KIAA0753: variants seen among roughly 807,000 people sequenced by gnomAD.
The protein encoded by KIAA0753 is KIAA0753.
A neutral mutation model predicts 116.9 loss-of-function variants in KIAA0753; 114 were observed. That is an observed-to-expected ratio of 0.98 (90% CI 0.84 to 1.14). KIAA0753 has a LOEUF of 1.14. Among genes scored for constraint, KIAA0753 ranks in the 50% most tolerant of loss-of-function variants. The pLI is 0.00. For synonymous variants in KIAA0753, 405 were observed against 413.1 expected, an observed-to-expected ratio of 0.98 and a Z score of 0.24; for missense variants, 1,156 against 1,172.4, an observed-to-expected ratio of 0.99 and a Z score of 0.20.
chr17:6,618,058 C>T (rs889611151), intron 7 of KIAA0753, among the ~76,000 whole-genome samples: 17 of 151,888 alleles, frequency 1.1e-4, no homozygotes, highest in Non-Finnish European at 7.4e-5. Context: ...GCCAAGATCA[C>T]GCCACTGAAC....
Position 6,623,019 on chromosome 17 carries a change from C to A in KIAA0753, c.967G>T (p.Asp323Tyr). 6.2e-7 allele frequency: 1 copy of A among 1,614,120 alleles called. No individual in the cohort carries two copies. The highest frequency in any genetic ancestry group is 1.1e-5 in the South Asian group (1 of 91,052). The change falls in exon 6 of 19, where the codon GAC becomes TAC. Residue 323 changes from aspartate (D) to tyrosine (Y), a missense_variant. Coordinates refer to ENST00000361413, the MANE Select transcript of KIAA0753 (RefSeq NM_014804.3). ...ALQMFVTQFT[D>Y]RGEHPLPARC... ...GCAGGAAGTGGATGCTCCCCTCGGT[C>A]AGTAAACTGAGTGACAAACATCTGT...
At chr17:6,620,720 G>A in intron 7 of KIAA0753, 68 bp downstream of exon 7, 1 of 1,491,938 alleles carries the variant, frequency 6.7e-7, no homozygotes. Context: ...CCTCAGTGCA[G>A]TAACTGTTAT....
chr17:6,592,378 C>G (rs1597474408), intron 16 of KIAA0753, among the ~76,000 whole-genome samples: 1 of 152,164 alleles, frequency 6.6e-6, no homozygotes, highest in African/African-American at 2.4e-5. Flanking sequence ...GGGTAGTACT[C>G]ACGGCGCTTA....
At chr17:6,581,822 G>C (rs192450545) in intron 18 of KIAA0753, among the ~76,000 whole-genome samples, 1 of 152,112 alleles carries the variant, frequency 6.6e-6, no homozygotes, top group African/African-American at 2.4e-5. Flanking sequence ...GTGAACTCTC[G>C]ACATGTCCCC....
At chr17:6,613,189 A>G (rs1335835144) in intron 7 of KIAA0753, among the ~76,000 whole-genome samples, 1 of 152,184 alleles carries the variant, frequency 6.6e-6, no homozygotes, top group Non-Finnish European at 1.5e-5. Context: ...AAATCTCATT[A>G]ACATGACAAC....
chr17:6,579,131 T>C lies in KIAA0753; in HGVS notation c.*616A>G, dbSNP rs1280229699. On this transcript the variant is annotated 3_prime_UTR_variant, in exon 19 of 19. Coordinates refer to ENST00000361413, the MANE Select transcript of KIAA0753 (RefSeq NM_014804.3). ...TAAAAATGTGAAAATCACCTAGGAATGGAACGTTGAAGAAATGTGTGTCTA... is the reference window on the plus strand; with the variant it reads ...TAAAAATGTGAAAATCACCTAGGAACGGAACGTTGAAGAAATGTGTGTCTA... 1.3e-5 allele frequency: 2 copies of C among 152,208 alleles called. No individual in the cohort carries two copies. The highest frequency in any genetic ancestry group is 2.9e-5 in the Non-Finnish European group (2 of 68,028). The allele number at this position is 152,208 out of a possible 1,614,324, so 9.4% of individuals were successfully genotyped here.
Position 6,612,099 on chromosome 17 carries a change from A to C in KIAA0753, c.1365T>G (p.Ser455Arg). The C allele has an allele frequency of 6.2e-7, 1 of 1,614,096 alleles. No individual in the cohort carries two copies. Among genetic ancestry groups the C allele is most frequent in the Non-Finnish European group, 8.5e-7 (1 of 1,179,978 alleles). Reference sequence around the variant, plus strand: ...TATCCGCATCTAATACATCAAGCTCACTCTGCAACCTCTGGGTCTCCGGAA... The same window carrying C: ...TATCCGCATCTAATACATCAAGCTCCCTCTGCAACCTCTGGGTCTCCGGAA... ...TELPETQRLQ[S>R]ELDVLDADIV... is the part of the protein sequence containing the mutation. Residue 455 changes from serine to arginine, a missense_variant, in exon 8 of 19, where the codon AGT becomes AGG. Physicochemically the swap from Ser to Arg is moderately radical, Grantham distance 110. Coordinates refer to ENST00000361413, the MANE Select transcript of KIAA0753 (RefSeq NM_014804.3).
intron 2 of KIAA0753, among the ~76,000 whole-genome samples, chr17:6,631,860 A>G (rs2150918405): frequency 6.6e-6 from 1 of 152,278 alleles, no homozygotes; most frequent in East Asian, 1.9e-4. Context: ...AGGACAAAGA[A>G]AAGACAAGTT....
intron 2 of KIAA0753, chr17:6,634,748 A>G (rs1597611748): frequency 2.8e-6 from 1 of 352,398 alleles, no homozygotes; most frequent in Non-Finnish European, 5.4e-6. Flanking sequence ...ATGGTATAAG[A>G]ATAGTATCAT....
chr17:6,584,407 G>A (rs372267648), intron 18 of KIAA0753, among the ~76,000 whole-genome samples: 38 of 152,266 alleles, frequency 2.5e-4, no homozygotes, highest in African/African-American at 7.2e-4. Flanking sequence ...TACCAAGTGC[G>A]TCATCACTAG....
At chr17:6,611,436 G>A (rs1466666979) in intron 8 of KIAA0753, among the ~76,000 whole-genome samples, 2 of 152,056 alleles carry the variant, frequency 1.3e-5, no homozygotes, top group Non-Finnish European at 1.5e-5. Context: ...AAATAGCTGG[G>A]ACTACAAGCA....
intron 7 of KIAA0753, among the ~76,000 whole-genome samples, chr17:6,616,260 G>C (rs1970923769): frequency 6.6e-6 from 1 of 152,162 alleles, no homozygotes; most frequent in South Asian, 2.1e-4. Context: ...CCATGGAGCT[G>C]TTCCCCATAA....
intron 5 of KIAA0753, 37 bp from the exon 6 acceptor site, chr17:6,623,134 C>T (rs578068289): frequency 6.4e-7 from 1 of 1,550,516 alleles, no homozygotes; most frequent in African/African-American, 1.4e-5. Context: ...TATTTCCATA[C>T]TCAGAACTTG....
chr17:6,581,862 C>T (rs779006764), intron 18 of KIAA0753, among the ~76,000 whole-genome samples: 2 of 152,210 alleles, frequency 1.3e-5, no homozygotes, highest in African/African-American at 2.4e-5. Context: ...CTTTCTAGCA[C>T]AGTATGTCTG....
In KIAA0753 at chr17:6,620,787, C is replaced by G. The variant is rs771455309; in HGVS notation, c.1315+1G>C. 1 of 1,613,590 alleles carries G rather than the reference C, an allele frequency of 6.2e-7. No homozygotes were observed. Among genetic ancestry groups the G allele is most frequent in the African/African-American group, 1.3e-5 (1 of 74,918 alleles). The stretch of plus-strand genomic sequence containing the variant: ...TACAATAAACACTTTAAGACACATA[C>G]CGGCAAGAAGCTGCTTTGCTACAGA... On this transcript the variant is annotated splice_donor_variant, in intron 7 of 18. Coordinates refer to ENST00000361413, the MANE Select transcript of KIAA0753 (RefSeq NM_014804.3). LOFTEE classifies it high-confidence loss of function.
intron 13 of KIAA0753, 140 bp downstream of exon 13, chr17:6,600,240 G>C (rs1177973209): frequency 7.4e-6 from 5 of 672,124 alleles, no homozygotes; most frequent in Non-Finnish European, 1.3e-5. Context: ...CATATCAGTA[G>C]TGTGTGGTGG....
Position 6,628,425 on chromosome 17 carries a change from T to C in KIAA0753, c.410A>G (p.Tyr137Cys). Residue 137 changes from tyrosine to cysteine, a missense_variant, in exon 3 of 19, where the codon TAT becomes TGT. Coordinates refer to ENST00000361413, the MANE Select transcript of KIAA0753 (RefSeq NM_014804.3). Reference sequence around the variant, plus strand: ...TTCCACCCTGTGGTCGGGTATTTTATACTTAGTATGTCCACACTTCTGAGA... The same window carrying C: ...TTCCACCCTGTGGTCGGGTATTTTACACTTAGTATGTCCACACTTCTGAGA... ...QSSQKCGHTKYKIPDHRVERK... is the reference protein window; with the variant it reads ...QSSQKCGHTKCKIPDHRVERK... 6.2e-7 allele frequency: 1 copy of C among 1,614,244 alleles called. No individual in the cohort carries two copies. Among genetic ancestry groups the C allele is most frequent in the Non-Finnish European group, 8.5e-7 (1 of 1,180,038 alleles).
At chr17:6,624,958 A>G in intron 3 of KIAA0753, 97 bp from the exon 4 acceptor site, 1 of 823,016 alleles carries the variant, frequency 1.2e-6, no homozygotes, top group East Asian at 2.7e-5. Context: ...AAAGTTGAAG[A>G]TCTCTGGTTT....
At chr17:6,614,229 T>C (rs1970730564) in intron 7 of KIAA0753, among the ~76,000 whole-genome samples, 1 of 152,206 alleles carries the variant, frequency 6.6e-6, no homozygotes. Flanking sequence ...TTAAGATTCA[T>C]ATACACTGCA....
Sources: gnomAD v4.1 joint callset for allele counts (sites outside exome capture counted in the v4.1 genomes callset) on GRCh38, gnomAD v4.1.1 for gene constraint, MANE v1.5 for transcripts, NCBI Gene and HGNC (gene_info 2026-07-23, HGNC 2026-07-21) for gene names.